The following PPP2R1A variants were observed in gnomAD, a reference collection of about 807,000 sequenced individuals.
PPP2R1A encodes protein phosphatase 2 scaffold subunit Aalpha.
Under a neutral mutation model 67.1 loss-of-function variants are expected in PPP2R1A, and 15 were observed. The ratio of observed to expected loss-of-function variants is 0.22; its 90% CI spans 0.15 to 0.34. The LOEUF is 0.34. Among genes scored for constraint, PPP2R1A ranks in the 10% least tolerant of loss-of-function variants. The pLI is 1.00. For synonymous variants in PPP2R1A, 337 were observed against 325.0 expected, an observed-to-expected ratio of 1.04 and a Z score of -0.40; for missense variants, 369 against 775.0, an observed-to-expected ratio of 0.48 and a Z score of 6.22.
chr19:52,215,266 C>T (rs773836163), intron 6 of PPP2R1A, among the ~76,000 whole-genome samples: 7 of 152,102 alleles, frequency 4.6e-5, no homozygotes, highest in Non-Finnish European at 7.4e-5. Flanking sequence ...CTGTGTTGCC[C>T]GGGCTGGTCT....
rs577010451 is a variant in PPP2R1A at position 52,195,244 on chromosome 19, G to A, written c.78+5070G>A. Among the ~76,000 whole-genome samples the A allele has an allele frequency of 7.9e-5, 12 of 152,220 alleles. No individual in the cohort carries two copies. In the South Asian group the frequency reaches 1.0e-3, roughly 13 times the overall value. The stretch of plus-strand genomic sequence containing the variant: ...CTCACCACAGAGCAGGCTCTGTGCC[G>A]AGGCCTGCTGGGACACAGAGAGTCC... On this transcript the variant is annotated intron_variant, in intron 1 of 14. Coordinates refer to ENST00000322088, the MANE Select transcript of PPP2R1A (RefSeq NM_014225.6).
At chr19:52,196,305 A>G (rs2089496407) in intron 1 of PPP2R1A, among the ~76,000 whole-genome samples, 1 of 152,236 alleles carries the variant, frequency 6.6e-6, no homozygotes, top group Non-Finnish European at 1.5e-5. Flanking sequence ...TGTTTAAACA[A>G]GTAAGAGTTC....
At chr19:52,190,254 C>A in intron 1 of PPP2R1A, 80 bp downstream of exon 1, 1 of 1,475,878 alleles carries the variant, frequency 6.8e-7, no homozygotes, top group Non-Finnish European at 9.2e-7. Flanking sequence ...GAAGACTCAG[C>A]GTTCGCTGGG....
At chr19:52,218,229 C>T (rs1358074305) in intron 9 of PPP2R1A, among the ~76,000 whole-genome samples, 1 of 152,086 alleles carries the variant, frequency 6.6e-6, no homozygotes, top group African/African-American at 2.4e-5. Flanking sequence ...TCCCCATCCC[C>T]TTCTTTCTTT....
chr19:52,203,316 C>T (rs998914241), intron 2 of PPP2R1A, among the ~76,000 whole-genome samples: 1 of 152,140 alleles, frequency 6.6e-6, no homozygotes, highest in African/African-American at 2.4e-5. Flanking sequence ...TGGCCCCAAA[C>T]CAGGTGGCTT....
In PPP2R1A at chr19:52,211,823, C is replaced by G. The variant is rs2089673157; in HGVS notation, c.503+331C>G. On this transcript the variant is annotated intron_variant, in intron 4 of 14. Coordinates refer to ENST00000322088, the MANE Select transcript of PPP2R1A (RefSeq NM_014225.6). The surrounding 1 kb of genome is among the most constrained non-coding windows in gnomAD (Gnocchi z 5.3). ...GAACATAAAAACTTTCAGCAACTTA[C>G]ATCTGATGGTATCTCCAGCCTGTCC... is the stretch of plus-strand genomic sequence containing the variant. The G allele has an allele frequency of 2.9e-6, 1 of 343,140 alleles. No individual in the cohort carries two copies. 21.3% of individuals were successfully genotyped at this position (343,140 alleles called of 1,614,324 possible). A position where few individuals can be genotyped will look rare whatever the true frequency, so the allele number is the denominator to read the frequency against.
rs897675228 is a variant in PPP2R1A at position 52,213,264 on chromosome 19, G to A, written c.807+154G>A. On this transcript the variant is annotated intron_variant, in intron 6 of 14. Coordinates refer to ENST00000322088, the MANE Select transcript of PPP2R1A (RefSeq NM_014225.6). The surrounding 1 kb of genome is among the most constrained non-coding windows in gnomAD (Gnocchi z 4.2). ...TGATCATCTAACTGCGTCTCGCTTC[G>A]TGTGCCAATCCTGGTTGATTGACAT... is the stretch of plus-strand genomic sequence containing the variant. Among the ~76,000 whole-genome samples, 2 of 152,062 alleles carry A rather than the reference G, an allele frequency of 1.3e-5. No individual in the cohort carries two copies. The highest frequency in any genetic ancestry group is 1.9e-4 in the East Asian group (1 of 5,172).
At chr19:52,218,188 T>C (rs1474442140) in intron 9 of PPP2R1A, among the ~76,000 whole-genome samples, 1 of 152,160 alleles carries the variant, frequency 6.6e-6, no homozygotes, top group African/African-American at 2.4e-5. Flanking sequence ...ATGGGAAGTG[T>C]GTGAGGCTTC....
Position 52,219,569 on chromosome 19 carries a change from C to A in PPP2R1A, c.1129-122C>A. On this transcript the variant is annotated intron_variant, in intron 9 of 14. Coordinates refer to ENST00000322088, the MANE Select transcript of PPP2R1A (RefSeq NM_014225.6). This position sits in a 1 kb window ranked among gnomAD's most constrained non-coding sequence, Gnocchi z 4.0. The stretch of plus-strand genomic sequence containing the variant: ...TGTGTTCCCAGAACGGGGAGCTGGG[C>A]TTGGACAGGAGTAGTCCCTCGGGAG... The A allele has an allele frequency of 9.9e-7, 1 of 1,006,466 alleles. No individual in the cohort carries two copies. The highest frequency in any genetic ancestry group is 1.4e-6 in the Non-Finnish European group (1 of 707,936). 62.3% of individuals were successfully genotyped at this position (1,006,466 alleles called of 1,614,324 possible). A position where few individuals can be genotyped will look rare whatever the true frequency, so the allele number is the denominator to read the frequency against.
chr19:52,190,385 G>A (rs1249906755), intron 1 of PPP2R1A: 4 of 627,456 alleles, frequency 6.4e-6, no homozygotes, highest in East Asian at 5.7e-5. Flanking sequence ...GCCAGCGCTA[G>A]CCTCGAGGGT....
At chr19:52,209,171 A>G (rs2122323126) in intron 3 of PPP2R1A, among the ~76,000 whole-genome samples, 1 of 152,246 alleles carries the variant, frequency 6.6e-6, no homozygotes, top group Non-Finnish European at 1.5e-5. Context: ...TGGCTTACAT[A>G]ATTACTGCTC....
Position 52,201,976 on chromosome 19 carries a change from C to T in PPP2R1A, c.111C>T (p.Thr37=). The change falls in exon 2 of 15, where the codon ACC becomes ACT. Residue 37 remains threonine, a synonymous_variant. Transcript: ENST00000322088. The part of the protein sequence containing the change: ...LRLNSIKKLS[T]IALALGVERT... ...TCAACAGCATCAAGAAGCTGTCCAC[C>T]ATCGCCTTGGCCCTTGGGGTTGAAA... The T allele has an allele frequency of 6.2e-7, 1 of 1,614,166 alleles. No homozygotes were observed. Among genetic ancestry groups the T allele is most frequent in the South Asian group, 1.1e-5 (1 of 91,080 alleles).
At chr19:52,190,242 G>A (rs111419452) in intron 1 of PPP2R1A, 68 bp downstream of exon 1, 23 of 1,510,204 alleles carry the variant, frequency 1.5e-5, no homozygotes, top group Middle Eastern at 1.7e-4. Context: ...GGCCCTCGCG[G>A]AGAAGACTCA....
intron 2 of PPP2R1A, 52 bp from the exon 3 acceptor site, chr19:52,205,911 C>A: frequency 1.4e-6 from 2 of 1,469,548 alleles, no homozygotes; most frequent in South Asian, 1.2e-5. Context: ...TGAGCTTGGG[C>A]TGGGGTCAGA....
At chr19:52,196,667 T>C (rs1381542647) in intron 1 of PPP2R1A, among the ~76,000 whole-genome samples, 1 of 152,202 alleles carries the variant, frequency 6.6e-6, no homozygotes, top group African/African-American at 2.4e-5. Flanking sequence ...GGGGCTTAAA[T>C]GAGCTTGAAG....
At chr19:52,205,781 C>T (rs1179117148) in intron 2 of PPP2R1A, among the ~76,000 whole-genome samples, 182 bp from the exon 3 acceptor site, 1 of 152,166 alleles carries the variant, frequency 6.6e-6, no homozygotes, top group African/African-American at 2.4e-5. Context: ...GCTCTCTTAT[C>T]CCAGCCAAGC....
intron 9 of PPP2R1A, among the ~76,000 whole-genome samples, chr19:52,217,549 G>A (rs1978653776): frequency 6.6e-6 from 1 of 152,192 alleles, no homozygotes; most frequent in Non-Finnish European, 1.5e-5. Context: ...GCAGTGGAGA[G>A]AGACAGGCAG....
At position 52,203,481 on chromosome 19, in the gene PPP2R1A, A is replaced by G. The variant is rs76172426; in HGVS notation, c.169+1447A>G. Among the ~76,000 whole-genome samples the G allele has an allele frequency of 1.1e-3, 167 of 152,204 alleles. 2 individuals are homozygous for G. The East Asian group carries it at 0.023, about 21-fold the overall frequency. ...CTTGCTAGGAAAACCTGAGTAGGTC[A>G]CTCCACCTCTCTTAGCCTCATTTCC... On this transcript the variant is annotated intron_variant, in intron 2 of 14. Transcript: ENST00000322088.
chr19:52,213,327 C>T lies in PPP2R1A; in HGVS notation c.807+217C>T, dbSNP rs1337203340. Reference sequence around the variant, plus strand: ...TGCTGCCTTGAGAAAGATTCTGAGGCAAAGTTAAGGCTACGTGGAGGAAAG... The same window carrying T: ...TGCTGCCTTGAGAAAGATTCTGAGGTAAAGTTAAGGCTACGTGGAGGAAAG... On this transcript the variant is annotated intron_variant, in intron 6 of 14. Coordinates refer to ENST00000322088, the MANE Select transcript of PPP2R1A (RefSeq NM_014225.6). This position sits in a 1 kb window ranked among gnomAD's most constrained non-coding sequence, Gnocchi z 4.2. Among the ~76,000 whole-genome samples the T allele has an allele frequency of 6.6e-6, 1 of 151,870 alleles. No individual in the cohort carries two copies. The highest frequency in any genetic ancestry group is 1.5e-5 in the Non-Finnish European group (1 of 68,004).
Sources: gnomAD v4.1 joint callset for allele counts (sites outside exome capture counted in the v4.1 genomes callset) on GRCh38, gnomAD v4.1.1 for gene constraint, Gnocchi (gnomAD v3.1) non-coding constraint, MANE v1.5 for transcripts, NCBI Gene and HGNC (gene_info 2026-07-23, HGNC 2026-07-21) for gene names.